Variants in SLC14A2 observed in about 807,000 individuals in gnomAD.
SLC14A2 encodes the protein solute carrier family 14 member 2, also known as urea transporter 2.
SLC14A2 carries 91 observed loss-of-function variants against 104.6 expected under a neutral mutation model. The ratio of observed to expected loss-of-function variants is 0.87; its 90% CI spans 0.73 to 1.04. The LOEUF (loss-of-function observed/expected upper bound fraction) is 1.04, where lower values mean the gene tolerates loss of function less well. SLC14A2 is among the 50% of genes least tolerant of loss of function. The pLI, the probability that SLC14A2 is intolerant of heterozygous loss-of-function variation, is 0.00. For synonymous variants in SLC14A2, 476 were observed against 466.4 expected (o/e 1.02, Z -0.27); for missense variants, 1,189 against 1,156.0 (o/e 1.03, Z -0.41).
At chr18:45,275,437 C>A (rs1037045199) in intron 1 of SLC14A2, among the ~76,000 whole-genome samples, 1 of 152,138 alleles carries the variant, frequency 6.6e-6, no homozygotes, top group Non-Finnish European at 1.5e-5. Context: ...TGTTACTCAC[C>A]TTCCTCTTTT....
intron 1 of SLC14A2, among the ~76,000 whole-genome samples, chr18:45,307,731 A>G (rs1380301355): frequency 6.6e-6 from 1 of 152,208 alleles, no homozygotes; most frequent in Non-Finnish European, 1.5e-5. Context: ...GATGAAAGCA[A>G]TTGTTGAAAA....
At chr18:45,316,266 G>A (rs918156511) in intron 1 of SLC14A2, among the ~76,000 whole-genome samples, 1 of 152,194 alleles carries the variant, frequency 6.6e-6, no homozygotes, top group African/African-American at 2.4e-5. Context: ...AAAGCCCTAG[G>A]AAGGACCCAA....
Position 45,672,900 on chromosome 18 carries a change from C to A in SLC14A2, c.2230C>A (p.Leu744Ile). The change falls in exon 17 of 20, where the codon CTT becomes ATT. Residue 744 changes from leucine to isoleucine, a missense_variant and splice_region_variant. Coordinates refer to ENST00000255226, the MANE Select transcript of SLC14A2 (RefSeq NM_007163.4). ...ITWSEVQVPL[L>I]LRAIPVGIGQ... ...GCATGTAATCCTGTTATGCCTACAG[C>A]TTTTGAGAGCCATCCCCGTTGGAAT... The A allele has an allele frequency of 6.2e-7, 1 of 1,612,654 alleles. No homozygotes were observed. The highest frequency in any genetic ancestry group is 1.1e-5 in the South Asian group (1 of 90,792).
intron 6 of SLC14A2, among the ~76,000 whole-genome samples, chr18:45,639,169 C>G (rs1259391728): frequency 6.6e-6 from 1 of 152,150 alleles, no homozygotes; most frequent in Admixed American, 6.5e-5. Context: ...CACAACCCCC[C>G]AGGGTAGCAG....
chr18:45,588,268 G>T (rs925536479), intron 2 of SLC14A2, among the ~76,000 whole-genome samples: 1 of 152,188 alleles, frequency 6.6e-6, no homozygotes, highest in Non-Finnish European at 1.5e-5. Flanking sequence ...GAGGCTGGAG[G>T]TCAGTGAGTC....
At chr18:45,264,325 A>T (rs949921398) in intron 1 of SLC14A2, among the ~76,000 whole-genome samples, 2 of 152,100 alleles carry the variant, frequency 1.3e-5, no homozygotes, top group Non-Finnish European at 2.9e-5. Context: ...TTCCAACCTG[A>T]CTCTCATTTT....
At chr18:45,226,370 A>G (rs2084116614) in intron 1 of SLC14A2, among the ~76,000 whole-genome samples, 1 of 152,166 alleles carries the variant, frequency 6.6e-6, no homozygotes, top group African/African-American at 2.4e-5. Context: ...TCATGCACAC[A>G]TATGTTTATT....
chr18:45,247,835 A>G (rs1599610348), intron 1 of SLC14A2, among the ~76,000 whole-genome samples: 2 of 152,218 alleles, frequency 1.3e-5, no homozygotes, highest in South Asian at 2.1e-4. Flanking sequence ...CTCATGACCA[A>G]AGAAGCTCAT....
intron 1 of SLC14A2, among the ~76,000 whole-genome samples, chr18:45,378,879 G>C (rs573388670): frequency 6.6e-6 from 1 of 152,210 alleles, no homozygotes; most frequent in East Asian, 1.9e-4. Context: ...CCGAAGTGCT[G>C]GGATTACAGG....
chr18:45,337,677 AAAAT>A (rs1407515946), intron 1 of SLC14A2, among the ~76,000 whole-genome samples: 1 of 152,208 alleles, frequency 6.6e-6, no homozygotes, highest in Non-Finnish European at 1.5e-5. Context: ...CTCTATAAAT[AAAAT>A]AGAGATCATA....
At chr18:45,571,695 A>G (rs1255908858) in intron 2 of SLC14A2, among the ~76,000 whole-genome samples, 1 of 152,150 alleles carries the variant, frequency 6.6e-6, no homozygotes, top group Non-Finnish European at 1.5e-5. Context: ...CTCTGGGTCC[A>G]TATTTTTTTA....
chr18:45,543,577 A>T (rs1002062023), intron 2 of SLC14A2, among the ~76,000 whole-genome samples: 3 of 152,180 alleles, frequency 2.0e-5, no homozygotes, highest in Non-Finnish European at 2.9e-5. Flanking sequence ...CAGTATTAAG[A>T]TTCTCTGATA....
At chr18:45,345,144 T>A (rs1307107815) in intron 1 of SLC14A2, among the ~76,000 whole-genome samples, 1 of 152,162 alleles carries the variant, frequency 6.6e-6, no homozygotes, top group Non-Finnish European at 1.5e-5. Flanking sequence ...GTCAGTACCT[T>A]TCACTTTGTG....
intron 1 of SLC14A2, among the ~76,000 whole-genome samples, chr18:45,415,510 C>T (rs2086267494): frequency 6.6e-6 from 1 of 152,180 alleles, no homozygotes; most frequent in Non-Finnish European, 1.5e-5. Flanking sequence ...TTAGACTTCT[C>T]TGTCATTCTT....
intron 4 of SLC14A2, among the ~76,000 whole-genome samples, chr18:45,631,426 G>A (rs183307593): frequency 2.6e-5 from 4 of 152,216 alleles, no homozygotes; most frequent in Admixed American, 6.5e-5. Context: ...TGTTTATTAC[G>A]ATCAGGAGGA....
intron 1 of SLC14A2, among the ~76,000 whole-genome samples, chr18:45,324,003 G>T (rs998292980): frequency 2.6e-5 from 4 of 152,224 alleles, no homozygotes; most frequent in African/African-American, 9.6e-5. Flanking sequence ...GAAGGCAAAA[G>T]AGAAAATGTG....
At chr18:45,298,630 G>A (rs1052590694) in intron 1 of SLC14A2, among the ~76,000 whole-genome samples, 9 of 152,138 alleles carry the variant, frequency 5.9e-5, no homozygotes, top group African/African-American at 2.2e-4. Context: ...GCTTTCAACT[G>A]AGGTTAGCAC....
chr18:45,677,193 G>A (rs374596148), intron 18 of SLC14A2, among the ~76,000 whole-genome samples: 1 of 152,178 alleles, frequency 6.6e-6, no homozygotes, highest in African/African-American at 2.4e-5. Flanking sequence ...CGGGGTTTTC[G>A]GAGGGTTTTC....
At chr18:45,577,541 C>A (rs945679066) in intron 2 of SLC14A2, among the ~76,000 whole-genome samples, 2 of 152,288 alleles carry the variant, frequency 1.3e-5, no homozygotes, top group Non-Finnish European at 2.9e-5. Context: ...TAATGGGCCC[C>A]TTTCCCCATC....
Sources: gnomAD v4.1 joint callset for allele counts (sites outside exome capture counted in the v4.1 genomes callset) on GRCh38, gnomAD v4.1.1 for gene constraint, MANE v1.5 for transcripts, NCBI Gene and HGNC (gene_info 2026-07-23, HGNC 2026-07-21) for gene names.